The following OPCML variants were observed in gnomAD, a reference collection of about 807,000 sequenced individuals.
OPCML encodes opioid binding protein/cell adhesion molecule like.
OPCML carries 13 observed loss-of-function variants against 37.8 expected under a neutral mutation model. The ratio of observed to expected loss-of-function variants is 0.34; its 90% confidence interval spans 0.22 to 0.55. The LOEUF (loss-of-function observed/expected upper bound fraction) is 0.55, where lower values mean the gene tolerates loss of function less well. Ranked by LOEUF, OPCML falls within the 20% of genes least tolerant of loss-of-function variation. The probability of loss-of-function intolerance (pLI) is 0.91; values close to 1 mark genes in which losing one functional copy is unlikely to be tolerated. For missense variants in OPCML, 341 were observed against 435.6 expected, an observed-to-expected ratio of 0.78 and a Z score of 1.93; for synonymous variants, 176 against 168.8, an observed-to-expected ratio of 1.04 and a Z score of -0.33.
chr11:133,125,624 C>A (rs1949489815), intron 1 of OPCML, among the ~76,000 whole-genome samples: 2 of 138,066 alleles, frequency 1.4e-5, no homozygotes, highest in African/African-American at 2.7e-5. Flanking sequence ...TATGTAGTAT[C>A]TAGTATATAG....
chr11:133,182,723 G>C (rs1032176131), intron 1 of OPCML, among the ~76,000 whole-genome samples: 1 of 152,192 alleles, frequency 6.6e-6, no homozygotes, highest in Non-Finnish European at 1.5e-5. Context: ...AAGTGAAATG[G>C]GAAAGCATGT....
chr11:132,500,982 C>A (rs1436587025), intron 4 of OPCML, among the ~76,000 whole-genome samples: 3 of 152,170 alleles, frequency 2.0e-5, no homozygotes, highest in Non-Finnish European at 4.4e-5. Context: ...GGTTCCAAGT[C>A]TTTGCTATTG....
chr11:133,288,844 A>G (rs771645957), intron 1 of OPCML, among the ~76,000 whole-genome samples: 3 of 152,174 alleles, frequency 2.0e-5, no homozygotes, highest in Non-Finnish European at 4.4e-5. Flanking sequence ...GGTGTCGGCC[A>G]AAGGCTCATG....
At chr11:132,518,298 C>T (rs1397949822) in intron 4 of OPCML, among the ~76,000 whole-genome samples, 2 of 152,086 alleles carry the variant, frequency 1.3e-5, no homozygotes, top group East Asian at 3.9e-4. Flanking sequence ...CATTGTTCAA[C>T]ACCCACTTAT....
chr11:133,492,446 G>C (rs1947684838), intron 1 of OPCML, among the ~76,000 whole-genome samples: 1 of 152,050 alleles, frequency 6.6e-6, no homozygotes, highest in Admixed American at 6.6e-5. Flanking sequence ...TAAAAGCAAA[G>C]GGAGGAACAA....
chr11:133,243,523 G>C (rs1198310843), intron 1 of OPCML, among the ~76,000 whole-genome samples: 2 of 152,212 alleles, frequency 1.3e-5, no homozygotes, highest in Non-Finnish European at 2.9e-5. Flanking sequence ...AGAAGGCGCT[G>C]CAGAGGGGAC....
intron 2 of OPCML, among the ~76,000 whole-genome samples, chr11:132,795,374 T>C (rs1938243652): frequency 6.6e-6 from 1 of 152,202 alleles, no homozygotes; most frequent in African/African-American, 2.4e-5. Context: ...ACCATATAAT[T>C]TACCCATTCA....
At chr11:132,670,464 G>A (rs1270266017) in intron 2 of OPCML, among the ~76,000 whole-genome samples, 1 of 152,110 alleles carries the variant, frequency 6.6e-6, no homozygotes, top group Non-Finnish European at 1.5e-5. Flanking sequence ...TGGTTCAAAT[G>A]AAACTCACCC....
chr11:132,948,499 C>G (rs1285472703), intron 1 of OPCML, among the ~76,000 whole-genome samples: 5 of 151,966 alleles, frequency 3.3e-5, no homozygotes, highest in African/African-American at 1.2e-4. Context: ...GGTGTGTGAG[C>G]ATTAGATAAA....
chr11:133,526,892 G>A (rs1948502569), intron 1 of OPCML, among the ~76,000 whole-genome samples: 1 of 152,224 alleles, frequency 6.6e-6, no homozygotes, highest in African/African-American at 2.4e-5. Flanking sequence ...CCACCTGCCT[G>A]GCCCTCTCTG....
intron 2 of OPCML, among the ~76,000 whole-genome samples, chr11:132,806,968 A>C (rs145604053): frequency 7.9e-5 from 12 of 152,312 alleles, no homozygotes; most frequent in Admixed American, 2.6e-4. Flanking sequence ...AAAAATGCAA[A>C]TATTTAAAAT....
chr11:132,808,567 T>C (rs1210176243), intron 2 of OPCML, among the ~76,000 whole-genome samples: 2 of 152,210 alleles, frequency 1.3e-5, no homozygotes, highest in Non-Finnish European at 2.9e-5. Context: ...TTGATGATCA[T>C]TGGGTATAAC....
rs560459329 is a variant in OPCML, at chr11:132,689,835, C to A, written c.147-32516G>T. Among the ~76,000 whole-genome samples, 8 of 152,248 alleles carry A rather than the reference C, an allele frequency of 5.3e-5. No individual in the cohort carries two copies. In the South Asian group the frequency reaches 1.5e-3, roughly 28 times the overall value. On this transcript the variant is annotated intron_variant, in intron 2 of 7. Transcript: ENST00000524381. ...AGAATGGGGCAGATGCATTTTGCCA[C>A]ATGAAATATACCTTTATACCTTCTT...
At chr11:132,619,683 CAAA>C (rs67315430) in intron 3 of OPCML, among the ~76,000 whole-genome samples, 27,004 of 135,478 alleles carry the variant, frequency 0.2, 3,853 homozygotes, top group African/African-American at 0.41. Flanking sequence ...CTGAAAATAC[CAAA>C]AAAAAAAAAA....
intron 1 of OPCML, among the ~76,000 whole-genome samples, chr11:133,483,795 T>TGATTGATAGATAGATA (rs1555165669): frequency 7.6e-6 from 1 of 132,346 alleles, no homozygotes; most frequent in Non-Finnish European, 1.6e-5. Context: ...GATACATAGA[T>TGATTGATAGATAGATA]GATAGATAGA....
intron 1 of OPCML, among the ~76,000 whole-genome samples, chr11:133,032,360 TG>T (rs1194561592): frequency 1.3e-5 from 2 of 152,212 alleles, no homozygotes; most frequent in African/African-American, 4.8e-5. Context: ...CCACTGTACC[TG>T]TATTGGAACA....
intron 1 of OPCML, among the ~76,000 whole-genome samples, chr11:133,343,667 A>C (rs1943928887): frequency 6.6e-6 from 1 of 152,204 alleles, no homozygotes; most frequent in South Asian, 2.1e-4. Flanking sequence ...AGATTCCATT[A>C]ATTTCTTTTC....
intron 1 of OPCML, among the ~76,000 whole-genome samples, chr11:133,412,606 A>C (rs1945674092): frequency 6.6e-6 from 1 of 152,332 alleles, no homozygotes; most frequent in East Asian, 1.9e-4. Flanking sequence ...CATTACCACC[A>C]ACTCAGCTGA....
At chr11:133,140,898 C>CGAA (rs1336324682) in intron 1 of OPCML, among the ~76,000 whole-genome samples, 436 of 3,210 alleles carry the variant, frequency 0.14, 84 homozygotes, top group African/African-American at 0.17. Flanking sequence ...ACGACGAAGA[C>CGAA]GACGACGACG....
Sources: gnomAD v4.1 joint callset for allele counts (sites outside exome capture counted in the v4.1 genomes callset) on GRCh38, gnomAD v4.1.1 for gene constraint, MANE v1.5 for transcripts, NCBI Gene and HGNC (gene_info 2026-07-23, HGNC 2026-07-21) for gene names.